The following DSTN variants were observed in gnomAD, a reference collection of about 807,000 sequenced individuals.
DSTN encodes destrin.
A neutral mutation model predicts 16.8 loss-of-function variants in DSTN; 10 were observed. The observed-to-expected ratio is 0.60, with a 90% CI of 0.37 to 1.01. The LOEUF (loss-of-function observed/expected upper bound fraction) is 1.01. Among genes scored for constraint, DSTN ranks in the 50% least tolerant of loss-of-function variants. The pLI is 0.01. For missense variants in DSTN, 141 were observed against 196.7 expected (o/e 0.72, Z 1.69); for synonymous variants, 57 against 58.9 (o/e 0.97, Z 0.14).
chr20:17,570,230 G>T lies in DSTN; in HGVS notation c.3+19G>T, dbSNP rs1420134177. On this transcript the variant is annotated intron_variant, in intron 1 of 3. Transcript: ENST00000246069. ...GAAGATGGTGAGTAGGAGGGAGGCC[G>T]AGGCGTGGGCCGAGGCGGCCGGGAG... 2 of 1,505,342 alleles carry T rather than the reference G, an allele frequency of 1.3e-6. No individual in the cohort carries two copies. Among genetic ancestry groups the T allele is most frequent in the South Asian group, 1.2e-5 (1 of 80,794 alleles). 93.2% of individuals were successfully genotyped at this position (1,505,342 alleles called of 1,614,324 possible).
rs16999436 is a variant in DSTN at position 17,585,165 on chromosome 20, G to A, written c.3+14954G>A. Reference sequence around the variant, plus strand: ...GGTGGAAGACAAATCTGGAAAAGTAGGTTGGTTTACACAATAAAGTGCTTT... The same window carrying A: ...GGTGGAAGACAAATCTGGAAAAGTAAGTTGGTTTACACAATAAAGTGCTTT... On this transcript the variant is annotated intron_variant, in intron 1 of 3. Coordinates refer to ENST00000246069, the MANE Select transcript of DSTN (RefSeq NM_006870.4). Among the ~76,000 whole-genome samples the A allele has an allele frequency of 7.8e-3, 1,193 of 152,254 alleles. 15 individuals are homozygous for A. Among genetic ancestry groups the A allele is most frequent in the African/African-American group, 0.028 (1,144 of 41,552 alleles).
In DSTN at chr20:17,604,639, C is replaced by T. The variant is rs775563033; in HGVS notation, c.388+8C>T. 8 of 1,610,234 alleles carry T rather than the reference C, an allele frequency of 5.0e-6. No individual in the cohort carries two copies. The South Asian group carries it at 8.9e-5, about 18-fold the overall frequency. ...TTAAAAAGAAATTTCAAGGTATGTT[C>T]TAGATGACCTCTGAATATGTAGAGG... On this transcript the variant is annotated splice_region_variant and intron_variant, in intron 3 of 3. Coordinates refer to ENST00000246069, the MANE Select transcript of DSTN (RefSeq NM_006870.4).
chr20:17,570,075 G>T lies in DSTN; in HGVS notation c.-134G>T. The T allele has an allele frequency of 7.3e-7, 1 of 1,367,764 alleles. No individual in the cohort carries two copies. Among genetic ancestry groups the T allele is most frequent in the Admixed American group, 2.6e-5 (1 of 38,298 alleles). 84.7% of individuals were successfully genotyped at this position (1,367,764 alleles called of 1,614,324 possible). On this transcript the variant is annotated 5_prime_UTR_variant, in exon 1 of 4. Transcript: ENST00000246069. ...CCGCGTTCCGTCCTGAGGCGCGCCC[G>T]CCCCGGGGTAAGCTCGCGCCGCCGC...
chr20:17,572,706 T>A (rs1158267495), intron 1 of DSTN, among the ~76,000 whole-genome samples: 1 of 152,180 alleles, frequency 6.6e-6, no homozygotes, highest in African/African-American at 2.4e-5. Context: ...ACATGCCTAT[T>A]TAACATATGA....
chr20:17,586,676 A>G (rs537057658), intron 1 of DSTN, among the ~76,000 whole-genome samples: 23 of 152,370 alleles, frequency 1.5e-4, no homozygotes, highest in African/African-American at 5.3e-4. Context: ...TATCCATAAC[A>G]TTCTGTTACC....
chr20:17,571,157 C>T (rs1022298787), intron 1 of DSTN, among the ~76,000 whole-genome samples: 1 of 152,222 alleles, frequency 6.6e-6, no homozygotes, highest in Non-Finnish European at 1.5e-5. Flanking sequence ...AAAACGTATT[C>T]TCAACTGAAC....
intron 1 of DSTN, among the ~76,000 whole-genome samples, chr20:17,570,625 G>C (rs914932729): frequency 1.7e-4 from 25 of 150,092 alleles, no homozygotes; most frequent in Admixed American, 7.9e-4. Context: ...CCTTGTTGGC[G>C]TGGGTTTCCC....
At chr20:17,591,169 T>A (rs1326760569) in intron 1 of DSTN, among the ~76,000 whole-genome samples, 1 of 152,194 alleles carries the variant, frequency 6.6e-6, no homozygotes, top group Non-Finnish European at 1.5e-5. Flanking sequence ...AAAGGCTCTT[T>A]TAGGTAAAAA....
chr20:17,578,435 A>G (rs2035303681), intron 1 of DSTN, among the ~76,000 whole-genome samples: 1 of 152,246 alleles, frequency 6.6e-6, no homozygotes, highest in Middle Eastern at 3.2e-3. Context: ...TTAATTGAAT[A>G]GTACCTCCCC....
At chr20:17,595,387 A>AT (rs929343286) in intron 1 of DSTN, among the ~76,000 whole-genome samples, 27 of 152,040 alleles carry the variant, frequency 1.8e-4, no homozygotes, top group African/African-American at 6.5e-4. Flanking sequence ...CAAAACTGTC[A>AT]TTTTCCCTTC....
intron 1 of DSTN, among the ~76,000 whole-genome samples, chr20:17,574,970 C>CCT (rs1239833382): frequency 1.3e-5 from 2 of 148,840 alleles, no homozygotes; most frequent in East Asian, 4.1e-4. Context: ...GATCCTCCCA[C>CCT]CTCAGCCTGC....
chr20:17,596,514 T>C (rs1334305158), intron 1 of DSTN: 13 of 521,520 alleles, frequency 2.5e-5, no homozygotes, highest in Non-Finnish European at 3.0e-5. Context: ...TACCACTCTT[T>C]TGTGTCTCAT....
chr20:17,570,403 C>G (rs2035185432), intron 1 of DSTN, among the ~76,000 whole-genome samples, 192 bp downstream of exon 1: 2 of 151,660 alleles, frequency 1.3e-5, no homozygotes, highest in Non-Finnish European at 2.9e-5. Flanking sequence ...GGCTGGGCCC[C>G]CGCGCCCCGG....
chr20:17,571,195 G>T (rs185917040), intron 1 of DSTN, among the ~76,000 whole-genome samples: 1 of 152,134 alleles, frequency 6.6e-6, no homozygotes, highest in Non-Finnish European at 1.5e-5. Flanking sequence ...TGTCGTTTTC[G>T]TTAGTGTGCA....
chr20:17,573,367 G>T (rs116014071), intron 1 of DSTN, among the ~76,000 whole-genome samples: 1 of 151,642 alleles, frequency 6.6e-6, no homozygotes, highest in African/African-American at 2.4e-5. Context: ...TTGTAGCTTT[G>T]GTTCTTCAAC....
intron 1 of DSTN, chr20:17,592,173 C>G (rs1037004478): frequency 3.3e-6 from 3 of 921,390 alleles, no homozygotes; most frequent in Non-Finnish European, 3.9e-6. Flanking sequence ...TGCCTGTAAT[C>G]CCAGCATTTT....
chr20:17,581,232 A>G (rs1296381517), intron 1 of DSTN, among the ~76,000 whole-genome samples: 3 of 152,070 alleles, frequency 2.0e-5, no homozygotes, highest in Non-Finnish European at 4.4e-5. Flanking sequence ...TGTAATCCCA[A>G]TGCTTTGGGA....
Position 17,608,192 on chromosome 20 carries a change from TTAGAAG to T in DSTN, c.*1050_*1055del, listed in dbSNP as rs2035662260. The T allele has an allele frequency of 6.6e-6, 1 of 152,208 alleles. No homozygotes were observed. The highest frequency in any genetic ancestry group is 2.4e-5 in the African/African-American group (1 of 41,446). The allele number at this position is 152,208 out of a possible 1,614,324, so 9.4% of individuals were successfully genotyped here. A position where few individuals can be genotyped will look rare whatever the true frequency, so the allele number is the denominator to read the frequency against. On this transcript the variant is annotated 3_prime_UTR_variant, in exon 4 of 4. Transcript: ENST00000246069. Reference sequence around the variant, plus strand: ...TATAGAGATGCACAAACAGTTGAACTTAGAAGTAGCAGTATTGGCTTTATGTAATAA... The same window carrying T: ...TATAGAGATGCACAAACAGTTGAACTTAGCAGTATTGGCTTTATGTAATAA...
chr20:17,586,548 G>T (rs1235773026), intron 1 of DSTN, among the ~76,000 whole-genome samples: 1 of 152,212 alleles, frequency 6.6e-6, no homozygotes, highest in African/African-American at 2.4e-5. Flanking sequence ...TAATAGTCAT[G>T]TGGAGAAAGA....
Sources: allele counts gnomAD v4.1 joint callset (sites outside exome capture counted in the v4.1 genomes callset), GRCh38; gene constraint gnomAD v4.1.1; transcripts MANE v1.5; gene names NCBI Gene and HGNC (gene_info 2026-07-23, HGNC 2026-07-21).